The following SLC36A1 variants were observed in gnomAD, a reference collection of about 807,000 sequenced individuals.
SLC36A1 encodes proton-coupled amino acid transporter 1.
In SLC36A1, 30 loss-of-function variants were observed where a neutral mutation model predicts 47.5. That is an observed-to-expected ratio of 0.63 (90% confidence interval 0.47 to 0.86). The LOEUF is 0.86. SLC36A1 is among the 40% of genes least tolerant of loss of function. The pLI is 0.00. For missense variants in SLC36A1, 517 were observed against 606.0 expected (o/e 0.85, Z 1.54); for synonymous variants, 255 against 249.7 (o/e 1.02, Z -0.20).
In SLC36A1 at chr5:151,467,284, G is replaced by A. The variant is rs1239243545; in HGVS notation, c.504+1G>A. On this transcript the variant is annotated splice_donor_variant, in intron 6 of 10. Coordinates refer to ENST00000243389, the MANE Select transcript of SLC36A1 (RefSeq NM_078483.4). LOFTEE classifies it high-confidence loss of function. ...GTTTCTGGCTGACAACTTTAAACAGGTAGGCACCTGGTTAAAAAAGAAAAA... is the reference window on the plus strand; with the variant it reads ...GTTTCTGGCTGACAACTTTAAACAGATAGGCACCTGGTTAAAAAAGAAAAA... 3 of 1,502,326 alleles carry A rather than the reference G, an allele frequency of 2.0e-6. No individual in the cohort carries two copies. Among genetic ancestry groups the A allele is most frequent in the Non-Finnish European group, 2.7e-6 (3 of 1,104,736 alleles). 93.1% of individuals were successfully genotyped at this position (1,502,326 alleles called of 1,614,324 possible).
chr5:151,525,927 G>C, the SLC36A1 span: 1 of 1,614,196 alleles, frequency 6.2e-7, no homozygotes, highest in African/African-American at 1.3e-5. Flanking sequence ...GGTCACTCAG[G>C]ATCAGCTGCA....
chr5:151,529,487 A>C, the SLC36A1 span: 342 of 1,025,130 alleles, frequency 3.3e-4, no homozygotes, highest in Middle Eastern at 6.0e-4. Context: ...GAGGCAGCTC[A>C]ACAGGGCTAG....
At chr5:151,420,229 A>G in the SLC36A1 span, among the ~76,000 whole-genome samples, 3 of 152,182 alleles carry the variant, frequency 2.0e-5, no homozygotes, top group Non-Finnish European at 2.9e-5. Context: ...GAGTTATACA[A>G]GGCCCTAGGG....
the SLC36A1 span, among the ~76,000 whole-genome samples, chr5:151,360,737 C>G: frequency 2.0e-5 from 3 of 152,210 alleles, no homozygotes; most frequent in Admixed American, 6.5e-5. Context: ...CAAAAGCAGT[C>G]TTCAATCACC....
At chr5:151,501,985 G>C in the SLC36A1 span, among the ~76,000 whole-genome samples, 3 of 148,424 alleles carry the variant, frequency 2.0e-5, no homozygotes, top group South Asian at 6.2e-4. Flanking sequence ...AGGGCATTCT[G>C]TATAAAAGAA....
chr5:151,507,598 C>A, the SLC36A1 span: 2 of 1,597,132 alleles, frequency 1.3e-6, no homozygotes, highest in African/African-American at 1.4e-5. Context: ...CAACCCCTCG[C>A]CTCCATTTCA....
chr5:151,547,392 A>G, the SLC36A1 span, among the ~76,000 whole-genome samples: 1 of 152,202 alleles, frequency 6.6e-6, no homozygotes, highest in African/African-American at 2.4e-5. Context: ...CATGCCCAAT[A>G]ATCTTTTAAT....
At chr5:151,471,161 GT>G (rs1196123292) in intron 7 of SLC36A1, among the ~76,000 whole-genome samples, 3 of 152,116 alleles carry the variant, frequency 2.0e-5, no homozygotes, top group Non-Finnish European at 2.9e-5. Context: ...AGCGAAATCA[GT>G]TTTTTTCTCA....
At chr5:151,385,007 AGAGTGTGTGT>A in the SLC36A1 span, among the ~76,000 whole-genome samples, 110 of 102,082 alleles carry the variant, frequency 1.1e-3, no homozygotes, top group Non-Finnish European at 1.8e-3. Context: ...AGAGAGAGAG[AGAGTGTGTGT>A]GTGTGTGTGT....
chr5:151,504,139 A>AAAC, the SLC36A1 span: 3 of 152,656 alleles, frequency 2.0e-5, no homozygotes, highest in African/African-American at 7.2e-5. Context: ...ATGACCAATG[A>AAAC]AACTATGTAT....
At chr5:151,456,824 G>A (rs1305959823) in intron 1 of SLC36A1, among the ~76,000 whole-genome samples, 3 of 152,194 alleles carry the variant, frequency 2.0e-5, no homozygotes, top group Admixed American at 1.3e-4. Context: ...GTGCCAGACT[G>A]GGGTGTTTCC....
chr5:151,468,370 C>T (rs1196282326), intron 7 of SLC36A1, among the ~76,000 whole-genome samples: 1 of 129,466 alleles, frequency 7.7e-6, no homozygotes, highest in Non-Finnish European at 1.6e-5. Flanking sequence ...TTTACATATA[C>T]ATGTAATATA....
chr5:151,366,584 G>T, the SLC36A1 span: 1 of 207,266 alleles, frequency 4.8e-6, no homozygotes. Flanking sequence ...ATGATGAGGG[G>T]CAGGGTGCTG....
chr5:151,385,681 G>T, the SLC36A1 span, among the ~76,000 whole-genome samples: 680 of 151,600 alleles, frequency 4.5e-3, 7 homozygotes, highest in African/African-American at 0.016. Flanking sequence ...GGAGAACTAG[G>T]GAATCTTAGG....
chr5:151,522,005 A>G, the SLC36A1 span: 1 of 1,614,144 alleles, frequency 6.2e-7, no homozygotes, highest in Non-Finnish European at 8.5e-7. Flanking sequence ...GGGAGAGCAG[A>G]AGGTGCATAG....
At chr5:151,507,737 A>G in the SLC36A1 span, 1 of 826,470 alleles carries the variant, frequency 1.2e-6, no homozygotes, top group African/African-American at 1.7e-5. Context: ...TTCACCCCCC[A>G]AAAAAGTAAC....
chr5:151,515,357 A>G, the SLC36A1 span, among the ~76,000 whole-genome samples: 3 of 152,184 alleles, frequency 2.0e-5, no homozygotes, highest in Non-Finnish European at 2.9e-5. Context: ...TCTTCAATCT[A>G]CATTGCTTGG....
the SLC36A1 span, among the ~76,000 whole-genome samples, chr5:151,358,001 T>C: frequency 6.6e-6 from 1 of 152,182 alleles, no homozygotes; most frequent in South Asian, 2.1e-4. Flanking sequence ...AGAACTTTTA[T>C]GGACATAAAA....
the SLC36A1 span, among the ~76,000 whole-genome samples, chr5:151,368,188 G>A: frequency 1.1e-4 from 16 of 152,156 alleles, no homozygotes; most frequent in Non-Finnish European, 2.1e-4. Context: ...ATCACAAAGT[G>A]TGCCAAAACT....
Sources: allele counts gnomAD v4.1 joint callset (sites outside exome capture counted in the v4.1 genomes callset), GRCh38; gene constraint gnomAD v4.1.1; transcripts MANE v1.5; gene names NCBI Gene and HGNC (gene_info 2026-07-23, HGNC 2026-07-21).